The following EIF3A variants were observed in gnomAD, a reference collection of about 807,000 sequenced individuals.
The protein encoded by EIF3A is EIF3, p180 subunit.
A neutral mutation model predicts 186.6 loss-of-function variants in EIF3A; 21 were observed. That is an observed-to-expected ratio of 0.11 (90% CI 0.08 to 0.16). The LOEUF is 0.16. Among genes scored for constraint, EIF3A ranks in the 10% least tolerant of loss-of-function variants. The probability of loss-of-function intolerance (pLI) is 1.00; values close to 1 mark genes in which losing one functional copy is unlikely to be tolerated. For synonymous variants in EIF3A, 563 were observed against 584.3 expected, an observed-to-expected ratio of 0.96 and a Z score of 0.52; for missense variants, 1,306 against 1,796.3, an observed-to-expected ratio of 0.73 and a Z score of 4.93.
intron 17 of EIF3A, among the ~76,000 whole-genome samples, chr10:119,048,918 G>A (rs961785782): frequency 6.6e-6 from 1 of 151,980 alleles, no homozygotes; most frequent in Admixed American, 6.6e-5. Context: ...CGCACGCCTC[G>A]GCTTCCCAAA....
At chr10:119,041,632 A>C (rs1232958235) in intron 19 of EIF3A, among the ~76,000 whole-genome samples, 2 of 152,206 alleles carry the variant, frequency 1.3e-5, no homozygotes, top group Non-Finnish European at 2.9e-5. Flanking sequence ...AAAAATAAAT[A>C]TATAAAGTAC....
At position 119,050,690 on chromosome 10, in the gene EIF3A, C is replaced by T. The variant is rs751630920; in HGVS notation, c.2320-16G>A. The T allele has an allele frequency of 1.2e-6, 2 of 1,613,364 alleles. No individual in the cohort carries two copies. The highest frequency in any genetic ancestry group is 2.2e-5 in the East Asian group (1 of 44,878). Reference sequence around the variant, plus strand: ...TAAGTTTTTCCTGCAATCGAAGTAACCCCCAACCCAAAAAGGGCACACTTT... The same window carrying T: ...TAAGTTTTTCCTGCAATCGAAGTAATCCCCAACCCAAAAAGGGCACACTTT... On this transcript the variant is annotated splice_polypyrimidine_tract_variant and intron_variant, in intron 15 of 21. Transcript: ENST00000369144.
intron 14 of EIF3A, among the ~76,000 whole-genome samples, chr10:119,055,479 G>A (rs1848412392): frequency 1.3e-5 from 2 of 152,194 alleles, no homozygotes. Context: ...CATGAAATGA[G>A]CACATGCTGC....
intron 15 of EIF3A, 84 bp from the exon 16 acceptor site, chr10:119,050,758 A>G (rs1848345890): frequency 2.1e-6 from 3 of 1,440,738 alleles, no homozygotes; most frequent in Middle Eastern, 1.8e-4. Flanking sequence ...GGTTTACAAA[A>G]GACTCTCAAG....
rs752873980 is a variant in EIF3A at position 119,038,308 on chromosome 10, C to T, written c.3658G>A (p.Asp1220Asn). ...TCCCTTTCTCTCTCAGGGTCCTTGT[C>T]ATTCTCCTCCCGATCTTGATTATCT... is the stretch of plus-strand genomic sequence containing the variant. Reference protein sequence around the residue: ...DRDNQDREENDKDPERERDRE... With the variant: ...DRDNQDREENNKDPERERDRE... Residue 1220 changes from aspartate to asparagine, a missense_variant, in exon 20 of 22, where the codon GAC (aspartate) becomes AAC (asparagine). This residue lies in a region of EIF3A where 331 missense variants were observed against 365.8 expected (regional missense o/e 0.90). Coordinates refer to ENST00000369144, the MANE Select transcript of EIF3A (RefSeq NM_003750.4). 6.2e-7 allele frequency: 1 copy of T among 1,614,140 alleles called. No homozygotes were observed. The highest frequency in any genetic ancestry group is 8.5e-7 in the Non-Finnish European group (1 of 1,180,018).
intron 14 of EIF3A, 31 bp from the exon 15 acceptor site, chr10:119,051,352 G>A: frequency 3.9e-6 from 6 of 1,539,828 alleles, no homozygotes; most frequent in Non-Finnish European, 5.2e-6. Flanking sequence ...AAATTTCAAT[G>A]CACTTTTTTT....
At position 119,037,325 on chromosome 10, in the gene EIF3A, A is replaced by T; in HGVS notation, c.3729-16T>A. The T allele has an allele frequency of 6.2e-7, 1 of 1,612,224 alleles. No homozygotes were observed. Among genetic ancestry groups the T allele is most frequent in the Non-Finnish European group, 8.5e-7 (1 of 1,178,400 alleles). The stretch of plus-strand genomic sequence containing the variant: ...ACCTTCATCCCTGTAGCCATTTACA[A>T]TGACAGGTCAGGTTCTTACTGTTAG... On this transcript the variant is annotated splice_polypyrimidine_tract_variant and intron_variant, in intron 20 of 21. Coordinates refer to ENST00000369144, the MANE Select transcript of EIF3A (RefSeq NM_003750.4).
intron 2 of EIF3A, 65 bp from the exon 3 acceptor site, chr10:119,073,642 G>A (rs972065966): frequency 6.3e-7 from 1 of 1,576,968 alleles, no homozygotes; most frequent in Non-Finnish European, 8.6e-7. Flanking sequence ...ATGTTTTAAA[G>A]GCAAATTTTT....
Position 119,057,064 on chromosome 10 carries a change from A to G in EIF3A, c.1978-24T>C, listed in dbSNP as rs759024246. On this transcript the variant is annotated intron_variant, in intron 12 of 21. Transcript: ENST00000369144. ...TCCTGAAAGGTAATACAAATGCACA[A>G]TTGTTAATAAAGAGAAACAAGCAAT... The G allele has an allele frequency of 2.2e-6, 3 of 1,393,780 alleles. No homozygotes were observed. In the Admixed American group the frequency reaches 5.7e-5, roughly 27 times the overall value. The allele number at this position is 1,393,780 out of a possible 1,614,324, so 86.3% of individuals were successfully genotyped here.
intron 4 of EIF3A, 123 bp downstream of exon 4, chr10:119,072,767 T>C: frequency 5.7e-6 from 7 of 1,226,252 alleles, no homozygotes; most frequent in Non-Finnish European, 7.9e-6. Flanking sequence ...AGTCATTTAA[T>C]ACTCATGTGA....
At chr10:119,073,240 C>A (rs533177830) in intron 3 of EIF3A, among the ~76,000 whole-genome samples, 187 bp from the exon 4 acceptor site, 1 of 152,174 alleles carries the variant, frequency 6.6e-6, no homozygotes. Context: ...TTGGTATTTG[C>A]CCCTCTATCT....
At chr10:119,075,433 A>C (rs958432337) in intron 1 of EIF3A, among the ~76,000 whole-genome samples, 1 of 151,724 alleles carries the variant, frequency 6.6e-6, no homozygotes, top group Non-Finnish European at 1.5e-5. Context: ...ATTTATCTTA[A>C]ATTTCCTCAT....
rs1293732614 is a variant in EIF3A at position 119,035,410 on chromosome 10, G to A, written c.*629C>T. On this transcript the variant is annotated 3_prime_UTR_variant, in exon 22 of 22. Coordinates refer to ENST00000369144, the MANE Select transcript of EIF3A (RefSeq NM_003750.4). ...CTATACTGTTTGGATTCACACTTGC[G>A]CAGTAATCTTGTCATTACAACAACT... 2 of 151,076 alleles carry A rather than the reference G, an allele frequency of 1.3e-5. No individual in the cohort carries two copies. Among genetic ancestry groups the A allele is most frequent in the African/African-American group, 4.9e-5 (2 of 41,052 alleles). The allele number at this position is 151,076 out of a possible 1,614,324, so 9.4% of individuals were successfully genotyped here. A position where few individuals can be genotyped will look rare whatever the true frequency, so the allele number is the denominator to read the frequency against.
intron 17 of EIF3A, among the ~76,000 whole-genome samples, chr10:119,049,523 G>C (rs1848327653): frequency 6.9e-6 from 1 of 144,102 alleles, no homozygotes; most frequent in Admixed American, 7.0e-5. Context: ...AAAGAGATGT[G>C]AAAATAACTG....
At position 119,042,476 on chromosome 10, in the gene EIF3A, T is replaced by C; in HGVS notation, c.3044A>G (p.Asp1015Gly). The C allele has an allele frequency of 6.2e-7, 1 of 1,614,152 alleles. No homozygotes were observed. Among genetic ancestry groups the C allele is most frequent in the Non-Finnish European group, 8.5e-7 (1 of 1,180,020 alleles). ...DRGNWRHADD[D>G]RPPRRGLDED... ...ATCCAGTCCTCGTCTAGGTGGTCTG[T>C]CATCATCCGCATGACGCCAGTTTCC... The change falls in exon 19 of 22, where the codon GAC becomes GGC. Residue 1015 changes from aspartate (D) to glycine (G), a missense_variant. Physicochemically the swap from Asp to Gly is moderately conservative, Grantham distance 94. Coordinates refer to ENST00000369144, the MANE Select transcript of EIF3A (RefSeq NM_003750.4). The surrounding 1 kb of genome is among the most constrained non-coding windows in gnomAD (Gnocchi z 7.8).
chr10:119,074,862 C>T (rs1844135073), intron 1 of EIF3A, among the ~76,000 whole-genome samples: 1 of 116,196 alleles, frequency 8.6e-6, no homozygotes, highest in Admixed American at 1.3e-4. Context: ...AGGTTGCGGT[C>T]AGCTGAGATG....
chr10:119,043,905 A>G (rs538028036), intron 18 of EIF3A, 149 bp downstream of exon 18: 2 of 639,792 alleles, frequency 3.1e-6, no homozygotes, highest in East Asian at 2.8e-5. Flanking sequence ...ACCCAAAAAA[A>G]CAAAATACAA....
At chr10:119,067,145 G>T (rs1354641120) in intron 6 of EIF3A, among the ~76,000 whole-genome samples, 4 of 152,126 alleles carry the variant, frequency 2.6e-5, no homozygotes, top group Non-Finnish European at 5.9e-5. Flanking sequence ...GAACCCGGGA[G>T]GCAGAGGTTG....
intron 20 of EIF3A, 38 bp from the exon 21 acceptor site, chr10:119,037,347 T>TAAC: frequency 6.4e-7 from 1 of 1,558,044 alleles, no homozygotes; most frequent in Non-Finnish European, 8.8e-7. Flanking sequence ...GTTCTTACTG[T>TAAC]TAGACCAAAT....
Sources: allele counts gnomAD v4.1 joint callset (sites outside exome capture counted in the v4.1 genomes callset), GRCh38; gene constraint gnomAD v4.1.1; regional missense constraint gnomAD v4.1.1; non-coding constraint Gnocchi (gnomAD v3.1); transcripts MANE v1.5; gene names NCBI Gene and HGNC (gene_info 2026-07-23, HGNC 2026-07-21).